Variants in FAF2 observed in about 807,000 individuals in gnomAD.
The protein encoded by FAF2 is Fas associated factor family member 2, also known as FAS-associated factor 2.
In FAF2, 9 loss-of-function variants were observed where a neutral mutation model predicts 62.3. The ratio of observed to expected loss-of-function variants is 0.14; its 90% CI spans 0.09 to 0.25. The LOEUF is 0.25. Among genes scored for constraint, FAF2 ranks in the 10% least tolerant of loss-of-function variants. The pLI is 1.00. For missense variants in FAF2, 368 were observed against 556.2 expected (o/e 0.66, Z 3.40); for synonymous variants, 202 against 198.0 (o/e 1.02, Z -0.17).
intron 10 of FAF2, among the ~76,000 whole-genome samples, chr5:176,506,507 G>A (rs777887507): frequency 6.6e-6 from 1 of 152,154 alleles, no homozygotes; most frequent in East Asian, 1.9e-4. Flanking sequence ...CATTTTATCA[G>A]ACACCTCAAA....
chr5:176,477,729 G>A (rs1455967224), intron 1 of FAF2, among the ~76,000 whole-genome samples: 3 of 151,984 alleles, frequency 2.0e-5, no homozygotes, highest in Non-Finnish European at 4.4e-5. Flanking sequence ...ATTTTTTTAA[G>A]CTCTGGAAAA....
chr5:176,508,185 TG>T lies in FAF2; in HGVS notation c.*1236del, dbSNP rs1403022679. On this transcript the variant is annotated 3_prime_UTR_variant, in exon 11 of 11. Coordinates refer to ENST00000261942, the MANE Select transcript of FAF2 (RefSeq NM_014613.3). ...CTTTTATCCTTTCTCTCTATTGCTA[TG>T]TTGAAGTAATAGGGTTTTTTTTAAC... 1 of 152,574 alleles carries T rather than the reference TG, an allele frequency of 6.6e-6. No homozygotes were observed. The highest frequency in any genetic ancestry group is 1.5e-5 in the Non-Finnish European group (1 of 68,050). 9.5% of individuals were successfully genotyped at this position (152,574 alleles called of 1,614,324 possible).
intron 2 of FAF2, among the ~76,000 whole-genome samples, chr5:176,485,264 G>C (rs1048672344): frequency 2.6e-5 from 4 of 152,164 alleles, no homozygotes; most frequent in Admixed American, 2.6e-4. Context: ...ATTTATTAGG[G>C]CATCATTACA....
chr5:176,492,017 C>A (rs1447720654), intron 4 of FAF2, among the ~76,000 whole-genome samples, 177 bp from the exon 5 acceptor site: 2 of 152,206 alleles, frequency 1.3e-5, no homozygotes, highest in East Asian at 3.8e-4. Context: ...ATAACACTTG[C>A]TGCTTTATGG....
chr5:176,504,160 C>T (rs1755639153), intron 10 of FAF2, among the ~76,000 whole-genome samples: 1 of 151,788 alleles, frequency 6.6e-6, no homozygotes, highest in Non-Finnish European at 1.5e-5. Flanking sequence ...TATTCTCAAG[C>T]AGAGATTAAA....
Position 176,508,283 on chromosome 5 carries a change from C to T in FAF2, c.*1333C>T, listed in dbSNP as rs1336441481. 6.6e-6 allele frequency: 1 copy of T among 152,078 alleles called. No individual in the cohort carries two copies. The highest frequency in any genetic ancestry group is 1.5e-5 in the Non-Finnish European group (1 of 68,046). 9.4% of individuals were successfully genotyped at this position (152,078 alleles called of 1,614,324 possible). A position where few individuals can be genotyped will look rare whatever the true frequency, so the allele number is the denominator to read the frequency against. ...GGTCAGGCCATGTATTAACAGATGCCAGTGCGCTCTGACAAGTATTCCAAA... is the reference window on the plus strand; with the variant it reads ...GGTCAGGCCATGTATTAACAGATGCTAGTGCGCTCTGACAAGTATTCCAAA... On this transcript the variant is annotated 3_prime_UTR_variant, in exon 11 of 11. Transcript: ENST00000261942.
Position 176,478,359 on chromosome 5 carries a change from G to A in FAF2, c.64-829G>A, listed in dbSNP as rs1034016219. ...CTGGGTGTGGTGGTGCACACCTGCA[G>A]TGCCAGCTACTCAGGAGGCTGAGGC... On this transcript the variant is annotated intron_variant, in intron 1 of 10. Transcript: ENST00000261942. Among the ~76,000 whole-genome samples, 4 of 152,212 alleles carry A rather than the reference G, an allele frequency of 2.6e-5. No homozygotes were observed. In the South Asian group the frequency reaches 6.2e-4, roughly 24 times the overall value.
At chr5:176,452,637 G>A (rs947663254) in intron 1 of FAF2, among the ~76,000 whole-genome samples, 2 of 152,196 alleles carry the variant, frequency 1.3e-5, no homozygotes, top group African/African-American at 2.4e-5. Context: ...CAAAGCTAAA[G>A]AAATAGCTTG....
intron 1 of FAF2, among the ~76,000 whole-genome samples, chr5:176,463,822 C>T (rs1031828017): frequency 1.3e-5 from 2 of 151,252 alleles, no homozygotes; most frequent in Non-Finnish European, 2.9e-5. Flanking sequence ...CTCCGCCTCC[C>T]GGGTTTGAGT....
rs1461769491 is a variant in FAF2, at chr5:176,499,093, A to G, written c.1011+8A>G. 1 of 1,565,588 alleles carries G rather than the reference A, an allele frequency of 6.4e-7. No homozygotes were observed. Among genetic ancestry groups the G allele is most frequent in the Middle Eastern group, 1.9e-4 (1 of 5,200 alleles). ...GAGGAGAGACGGCGGCAGGTAATGG[A>G]CGTGTGGCTTTACTCCCTGTGGTTC... On this transcript the variant is annotated splice_region_variant and intron_variant, in intron 9 of 10. Transcript: ENST00000261942.
At position 176,509,865 on chromosome 5, in the gene FAF2, G is replaced by C. The variant is rs1174225398; in HGVS notation, c.*2915G>C. 1.3e-5 allele frequency: 2 copies of C among 152,646 alleles called. No homozygotes were observed. The highest frequency in any genetic ancestry group is 3.8e-4 in the East Asian group (2 of 5,204). The allele number at this position is 152,646 out of a possible 1,614,324, so 9.5% of individuals were successfully genotyped here. On this transcript the variant is annotated 3_prime_UTR_variant, in exon 11 of 11. Coordinates refer to ENST00000261942, the MANE Select transcript of FAF2 (RefSeq NM_014613.3). ...GCATCATTATCCGGTGCTTGAACAA[G>C]GAGCTCCGCTCTACAACTGGTTTTT... is the stretch of plus-strand genomic sequence containing the variant.
chr5:176,506,188 C>CTG (rs1225548748), intron 10 of FAF2, among the ~76,000 whole-genome samples: 1 of 134,946 alleles, frequency 7.4e-6, no homozygotes, highest in East Asian at 2.1e-4. Context: ...GAGCGAGACT[C>CTG]TCTCAAAAAA....
At chr5:176,465,371 T>C (rs1009588968) in intron 1 of FAF2, among the ~76,000 whole-genome samples, 4 of 149,240 alleles carry the variant, frequency 2.7e-5, no homozygotes, top group Admixed American at 6.7e-5. Context: ...TCTTTCTTTT[T>C]TTTTTTTTTT....
chr5:176,503,360 G>A (rs1218450626), intron 10 of FAF2, among the ~76,000 whole-genome samples: 1 of 152,052 alleles, frequency 6.6e-6, no homozygotes, highest in East Asian at 1.9e-4. Context: ...TTTGAGAGCA[G>A]CCTGGCCAAC....
At position 176,506,786 on chromosome 5, in the gene FAF2, T is replaced by G; in HGVS notation, c.1174T>G (p.Phe392Val). The change falls in exon 11 of 11, where the codon TTC becomes GTC. Residue 392 changes from phenylalanine (F) to valine (V), a missense_variant. This residue lies in a region of FAF2 where 37 missense variants were observed against 114.3 expected (regional missense o/e 0.32). Transcript: ENST00000261942. ...QSLTVIHDFL[F>V]SLKESPEKFQ... ...TCTGCAGGTAATCCACGACTTCTTATTCTCCTTGAAGGAAAGCCCAGAAAA... is the reference window on the plus strand; with the variant it reads ...TCTGCAGGTAATCCACGACTTCTTAGTCTCCTTGAAGGAAAGCCCAGAAAA... 6.2e-7 allele frequency: 1 copy of G among 1,613,782 alleles called. No individual in the cohort carries two copies. Among genetic ancestry groups the G allele is most frequent in the Non-Finnish European group, 8.5e-7 (1 of 1,179,808 alleles).
chr5:176,475,049 T>C (rs1339124612), intron 1 of FAF2, among the ~76,000 whole-genome samples: 1 of 152,200 alleles, frequency 6.6e-6, no homozygotes, highest in East Asian at 1.9e-4. Context: ...AAAAGTGTTT[T>C]GGTTATAAAT....
At chr5:176,477,056 C>A (rs549045604) in intron 1 of FAF2, among the ~76,000 whole-genome samples, 2 of 151,176 alleles carry the variant, frequency 1.3e-5, no homozygotes, top group Non-Finnish European at 3.0e-5. Flanking sequence ...GATCCGCCCG[C>A]CTCGGCCTCC....
At chr5:176,461,982 T>G (rs1467054216) in intron 1 of FAF2, among the ~76,000 whole-genome samples, 2 of 152,108 alleles carry the variant, frequency 1.3e-5, no homozygotes, top group South Asian at 4.1e-4. Flanking sequence ...GTGTTAGAAG[T>G]AAGCATCAGA....
At chr5:176,473,900 A>T (rs566299900) in intron 1 of FAF2, among the ~76,000 whole-genome samples, 98 of 152,240 alleles carry the variant, frequency 6.4e-4, no homozygotes, top group African/African-American at 2.3e-3. Flanking sequence ...CACCACTCCC[A>T]GCCTCCTTTA....
Sources: allele counts gnomAD v4.1 joint callset (sites outside exome capture counted in the v4.1 genomes callset), GRCh38; gene constraint gnomAD v4.1.1; regional missense constraint gnomAD v4.1.1; transcripts MANE v1.5; gene names NCBI Gene and HGNC (gene_info 2026-07-23, HGNC 2026-07-21).